Variants in FAM161B observed in about 807,000 individuals in gnomAD.
FAM161B encodes the protein FAM161 centrosomal protein B, also known as protein FAM161B.
In FAM161B, 46 loss-of-function variants were observed where a neutral mutation model predicts 61.5. The observed-to-expected ratio is 0.75, with a 90% CI of 0.59 to 0.96. The LOEUF (loss-of-function observed/expected upper bound fraction) is 0.96, where lower values mean the gene tolerates loss of function less well. Among genes scored for constraint, FAM161B ranks in the 40% least tolerant of loss-of-function variants. FAM161B has a pLI of 0.00. For missense variants in FAM161B, 774 were observed against 800.7 expected, an observed-to-expected ratio of 0.97 and a Z score of 0.40; for synonymous variants, 284 against 302.7, an observed-to-expected ratio of 0.94 and a Z score of 0.64.
chr14:73,927,134 GGA>G (rs1216106177), downstream of FAM161B: 1 of 191,330 alleles, frequency 5.2e-6, no homozygotes, highest in African/African-American at 2.4e-5. Context: ...TGCCCAGGCT[GGA>G]GTGCAGTGGC....
At chr14:73,938,427 C>T (rs1209387395) in intron 5 of FAM161B, among the ~76,000 whole-genome samples, 1 of 151,898 alleles carries the variant, frequency 6.6e-6, no homozygotes, top group East Asian at 1.9e-4. Flanking sequence ...CTGCTGCACT[C>T]CAGCCTGGGC....
chr14:73,939,589 G>A (rs1010911309), intron 5 of FAM161B, among the ~76,000 whole-genome samples: 3 of 152,160 alleles, frequency 2.0e-5, no homozygotes, highest in African/African-American at 7.2e-5. Flanking sequence ...GAAGCCTCTG[G>A]CCTTGACCAC....
chr14:73,947,963 A>G (rs1269215762), intron 1 of FAM161B, among the ~76,000 whole-genome samples: 2 of 152,010 alleles, frequency 1.3e-5, no homozygotes, highest in Non-Finnish European at 2.9e-5. Flanking sequence ...TCTGTCACCC[A>G]GGTTCTGGAG....
In FAM161B at chr14:73,933,065, A is replaced by G. The variant is rs1175028838; in HGVS notation, c.*1191T>C. On this transcript the variant is annotated 3_prime_UTR_variant, in exon 9 of 9. Coordinates refer to ENST00000286544, the MANE Select transcript of FAM161B (RefSeq NM_152445.3). Reference sequence around the variant, plus strand: ...AAACACACAGGCACATTCTAAACAGATAACGGGAGAGAATTGTTTTAAATT... The same window carrying G: ...AAACACACAGGCACATTCTAAACAGGTAACGGGAGAGAATTGTTTTAAATT... 1 of 152,820 alleles carries G rather than the reference A, an allele frequency of 6.5e-6. No individual in the cohort carries two copies. The highest frequency in any genetic ancestry group is 6.5e-5 in the Admixed American group (1 of 15,382). 9.5% of individuals were successfully genotyped at this position (152,820 alleles called of 1,614,324 possible). A position where few individuals can be genotyped will look rare whatever the true frequency, so the allele number is the denominator to read the frequency against.
At chr14:73,930,407 C>T (rs975299166), downstream of FAM161B, among the ~76,000 whole-genome samples, 2 of 152,196 alleles carry the variant, frequency 1.3e-5, no homozygotes, top group Non-Finnish European at 2.9e-5. Flanking sequence ...AAGCAATCCT[C>T]CTCCCTCAGC....
chr14:73,944,873 T>C lies in FAM161B; in HGVS notation c.387A>G (p.Thr129=). 6.6e-7 allele frequency: 1 copy of C among 1,514,938 alleles called. No individual in the cohort carries two copies. The highest frequency in any genetic ancestry group is 8.8e-7 in the Non-Finnish European group (1 of 1,132,978). 93.8% of individuals were successfully genotyped at this position (1,514,938 alleles called of 1,614,324 possible). A position where few individuals can be genotyped will look rare whatever the true frequency, so the allele number is the denominator to read the frequency against. The change falls in exon 3 of 9, where the codon ACA becomes ACG. Residue 129 remains threonine (T), a synonymous_variant. Coordinates refer to ENST00000286544, the MANE Select transcript of FAM161B (RefSeq NM_152445.3). ...QCPQALRCGS[T]RRCSSLNNLP... is the part of the protein sequence containing the mutation. Reference sequence around the variant, plus strand: ...GGTTGTTCAGGGAGCTGCAGCGCCTTGTGGAGCCACACCTGGGAAAAAAGC... The same window carrying C: ...GGTTGTTCAGGGAGCTGCAGCGCCTCGTGGAGCCACACCTGGGAAAAAAGC...
At chr14:73,937,549 T>C in intron 7 of FAM161B, 53 bp downstream of exon 7, 1 of 1,523,430 alleles carries the variant, frequency 6.6e-7, no homozygotes, top group South Asian at 1.2e-5. Flanking sequence ...TTGTAATTTT[T>C]CAGAGTCCTT....
chr14:73,941,742 G>C (rs563555816), intron 4 of FAM161B, among the ~76,000 whole-genome samples: 15 of 152,218 alleles, frequency 9.9e-5, no homozygotes, highest in Admixed American at 5.2e-4. Flanking sequence ...TTTCACTCTT[G>C]TTGTCCAGGC....
chr14:73,940,916 G>A lies in FAM161B; in HGVS notation c.1400+10C>T. The A allele has an allele frequency of 6.2e-7, 1 of 1,605,538 alleles. No individual in the cohort carries two copies. Among genetic ancestry groups the A allele is most frequent in the Non-Finnish European group, 8.5e-7 (1 of 1,176,396 alleles). On this transcript the variant is annotated intron_variant, in intron 5 of 8. Coordinates refer to ENST00000286544, the MANE Select transcript of FAM161B (RefSeq NM_152445.3). ...TCAGAGCATGGGTCTCGTGCAGCCTGACCACTCACCTGACTGCAGATTCCC... is the reference window on the plus strand; with the variant it reads ...TCAGAGCATGGGTCTCGTGCAGCCTAACCACTCACCTGACTGCAGATTCCC...
chr14:73,936,867 T>G, intron 7 of FAM161B, among the ~76,000 whole-genome samples: 1 of 152,174 alleles, frequency 6.6e-6, no homozygotes, highest in Non-Finnish European at 1.5e-5. Context: ...CCCCAACTTG[T>G]CTGAAACTGG....
At chr14:73,949,920 C>G in intron 1 of FAM161B, 53 bp downstream of exon 1, 1 of 1,606,616 alleles carries the variant, frequency 6.2e-7, no homozygotes, top group East Asian at 2.2e-5. Context: ...CAACGCCCAA[C>G]AGTTTCCTCT....
At chr14:73,923,310 G>A in the FAM161B span, 1 of 1,454,610 alleles carries the variant, frequency 6.9e-7, no homozygotes. Context: ...TAGAGTTTTA[G>A]AGTTGTTAAT....
rs201410965 is a variant in FAM161B, at chr14:73,942,625, C to T, written c.1016G>A (p.Arg339Gln). 9 of 1,613,990 alleles carry T rather than the reference C, an allele frequency of 5.6e-6. No homozygotes were observed. The highest frequency in any genetic ancestry group is 1.3e-5 in the African/African-American group (1 of 74,888). Residue 339 changes from arginine to glutamine, a missense_variant, in exon 4 of 9, where the codon CGG becomes CAG. Transcript: ENST00000286544. ...GGCTGTGCGGGGCTGTGGGTTAGCCCGGTTACTAGAGGAGGCGATAGGGGA... is the reference window on the plus strand; with the variant it reads ...GGCTGTGCGGGGCTGTGGGTTAGCCTGGTTACTAGAGGAGGCGATAGGGGA... ...ASSPIASSSN[R>Q]ANPQPRTATR...
chr14:73,927,364 C>T, downstream of FAM161B: 1 of 155,262 alleles, frequency 6.4e-6, no homozygotes, highest in Non-Finnish European at 1.4e-5. Flanking sequence ...CAGGCATGAG[C>T]CACTGCGCCC....
intron 4 of FAM161B, 139 bp downstream of exon 4, chr14:73,942,230 G>T: frequency 1.2e-6 from 1 of 822,792 alleles, no homozygotes; most frequent in Non-Finnish European, 1.9e-6. Context: ...TTATAGGAAA[G>T]TGAATCTGCT....
Position 73,944,317 on chromosome 14 carries a change from T to A in FAM161B, c.925+18A>T, listed in dbSNP as rs773509019. The A allele has an allele frequency of 1.3e-6, 2 of 1,551,736 alleles. No individual in the cohort carries two copies. The highest frequency in any genetic ancestry group is 2.7e-5 in the African/African-American group (2 of 73,012). On this transcript the variant is annotated intron_variant, in intron 3 of 8. Coordinates refer to ENST00000286544, the MANE Select transcript of FAM161B (RefSeq NM_152445.3). ...TTCCCCGAGGCAGGAGGCAGCAAGG[T>A]GGCAAGGATGTCTTTACCCTGGAGT...
At chr14:73,941,106 A>ATAT in intron 4 of FAM161B, 53 bp from the exon 5 acceptor site, 1 of 1,207,118 alleles carries the variant, frequency 8.3e-7, no homozygotes, top group Non-Finnish European at 1.1e-6. Context: ...ATTAGTTTCT[A>ATAT]TCTTTTTTTT....
chr14:73,942,636 G>A lies in FAM161B; in HGVS notation c.1005C>T (p.Ser335=). ...GCTGTGGGTTAGCCCGGTTACTAGA[G>A]GAGGCGATAGGGGAAGAGGCCATCT... ...MLQMASSPIA[S]SSNRANPQPR... Residue 335 remains serine, a synonymous_variant, in exon 4 of 9, where the codon TCC becomes TCT. Transcript: ENST00000286544. 3 of 1,614,154 alleles carry A rather than the reference G, an allele frequency of 1.9e-6. No individual in the cohort carries two copies. The highest frequency in any genetic ancestry group is 2.5e-6 in the Non-Finnish European group (3 of 1,180,050).
chr14:73,936,412 C>T (rs2055971234), intron 7 of FAM161B, among the ~76,000 whole-genome samples: 1 of 151,988 alleles, frequency 6.6e-6, no homozygotes, highest in Non-Finnish European at 1.5e-5. Flanking sequence ...TTTTGGGAGA[C>T]AAATGAGACC....
Sources: allele counts gnomAD v4.1 joint callset (sites outside exome capture counted in the v4.1 genomes callset), GRCh38; gene constraint gnomAD v4.1.1; transcripts MANE v1.5; gene names NCBI Gene and HGNC (gene_info 2026-07-23, HGNC 2026-07-21).